CCT2: variants seen among roughly 807,000 people sequenced by gnomAD.
The protein encoded by CCT2 is T-complex protein 1 subunit beta.
Under a neutral mutation model 61.8 loss-of-function variants are expected in CCT2, and 18 were observed. That is an observed-to-expected ratio of 0.29 (90% CI 0.20 to 0.43). CCT2 has a LOEUF of 0.43. CCT2 is among the 20% of genes least tolerant of loss of function. The probability of loss-of-function intolerance (pLI) is 1.00; values close to 1 mark genes in which losing one functional copy is unlikely to be tolerated. For synonymous variants in CCT2, 248 were observed against 215.9 expected (o/e 1.15, Z -1.30); for missense variants, 556 against 656.9 (o/e 0.85, Z 1.68).
intron 15 of CCT2, among the ~76,000 whole-genome samples, chr12:69,600,364 C>T (rs1882114832): frequency 6.6e-6 from 1 of 152,198 alleles, no homozygotes; most frequent in Non-Finnish European, 1.5e-5. Context: ...TATAGCCACA[C>T]CTACTCCCAG....
In CCT2 at chr12:69,597,832, T is replaced by G. The variant is rs1882035390; in HGVS notation, c.1231+66T>G. The G allele has an allele frequency of 1.8e-5, 27 of 1,494,392 alleles. No homozygotes were observed. The South Asian group carries it at 2.9e-4, about 16-fold the overall frequency. 92.6% of individuals were successfully genotyped at this position (1,494,392 alleles called of 1,614,324 possible). ...AAAGTACAATATAAGTCATAAGTGG[T>G]TTTAATGGTTCTTACAGAAATCTTA... On this transcript the variant is annotated intron_variant, in intron 12 of 15. Transcript: ENST00000299300.
rs766273143 is a variant in CCT2, at chr12:69,601,396, G to C, written c.*71G>C. ...TGTGTTTGAAAGATACTCTATTAAA[G>C]AAGACTGTGGAATCTGTTTATCGGT... On this transcript the variant is annotated 3_prime_UTR_variant, in exon 16 of 16. Transcript: ENST00000299300. The C allele has an allele frequency of 3.7e-6, 6 of 1,613,286 alleles. No individual in the cohort carries two copies.
intron 1 of CCT2, chr12:69,585,959 T>A: frequency 7.7e-7 from 1 of 1,295,458 alleles, no homozygotes; most frequent in Non-Finnish European, 9.8e-7. Context: ...CTTGATGGCC[T>A]GCAACCCCTC....
rs903311462 is a variant in CCT2, at chr12:69,589,868, C to G, written c.649+181C>G. 5.7e-5 allele frequency: 34 copies of G among 594,576 alleles called. No individual in the cohort carries two copies. The South Asian group carries it at 6.7e-4, about 12-fold the overall frequency. The allele number at this position is 594,576 out of a possible 1,614,324, so 36.8% of individuals were successfully genotyped here. On this transcript the variant is annotated intron_variant, in intron 7 of 15. Coordinates refer to ENST00000299300, the MANE Select transcript of CCT2 (RefSeq NM_006431.3). ...AGTGTACTCCTCTTCCCGCGCTATT[C>G]CAGCATTGTTGATGATCTCTAGAGT...
At chr12:69,594,026 C>T (rs1881913544) in intron 10 of CCT2, among the ~76,000 whole-genome samples, 1 of 151,688 alleles carries the variant, frequency 6.6e-6, no homozygotes, top group Non-Finnish European at 1.5e-5. Context: ...ATCCTAGCCA[C>T]TTGGGGGGAG....
intron 1 of CCT2, chr12:69,586,053 G>A (rs1881642966): frequency 7.2e-7 from 1 of 1,384,930 alleles, no homozygotes. Flanking sequence ...TATACTCCCG[G>A]GGGCCTTGTA....
intron 3 of CCT2, 57 bp downstream of exon 3, chr12:69,586,875 A>T: frequency 9.9e-7 from 1 of 1,012,586 alleles, no homozygotes; most frequent in Non-Finnish European, 1.5e-6. Flanking sequence ...CTTGGTGGAA[A>T]TATAATAACA....
At chr12:69,598,281 A>C (rs1882049253) in intron 13 of CCT2, 41 bp from the exon 14 acceptor site, 1 of 1,374,722 alleles carries the variant, frequency 7.3e-7, no homozygotes, top group South Asian at 1.3e-5. Context: ...AGTGGTTCTT[A>C]CAGTAGAGTG....
chr12:69,586,560 C>T (rs750663783), intron 2 of CCT2, among the ~76,000 whole-genome samples, 193 bp from the exon 3 acceptor site: 5 of 151,674 alleles, frequency 3.3e-5, no homozygotes, highest in Non-Finnish European at 5.9e-5. Flanking sequence ...CCCAGCTACT[C>T]GGGAGGCTGA....
chr12:69,597,401 T>C, intron 11 of CCT2, 126 bp downstream of exon 11: 1 of 1,236,276 alleles, frequency 8.1e-7, no homozygotes, highest in Non-Finnish European at 1.1e-6. Context: ...GCATGATACA[T>C]ACTTTGTTTC....
intron 10 of CCT2, among the ~76,000 whole-genome samples, chr12:69,596,630 A>T (rs751411465): frequency 6.6e-6 from 1 of 152,232 alleles, no homozygotes; most frequent in African/African-American, 2.4e-5. Context: ...TAGAGATATC[A>T]GGTGCTTATT....
intron 9 of CCT2, among the ~76,000 whole-genome samples, 178 bp downstream of exon 9, chr12:69,593,281 C>T (rs553636864): frequency 4.6e-5 from 7 of 152,198 alleles, no homozygotes; most frequent in South Asian, 2.1e-4. Flanking sequence ...ACCAGAATTA[C>T]GGGATTGATT....
intron 1 of CCT2, 59 bp from the exon 2 acceptor site, chr12:69,586,211 C>A: frequency 7.7e-7 from 1 of 1,293,748 alleles, no homozygotes; most frequent in South Asian, 1.2e-5. Flanking sequence ...GAAGGCACCT[C>A]AGTGTATGTG....
intron 4 of CCT2, 29 bp downstream of exon 4, chr12:69,587,645 CTAA>C (rs766702369): frequency 7.7e-7 from 1 of 1,304,510 alleles, no homozygotes; most frequent in East Asian, 2.3e-5. Flanking sequence ...TTTCACCAAC[CTAA>C]TAATACTGTT....
At chr12:69,592,599 A>G (rs571776059) in intron 8 of CCT2, 42 of 189,126 alleles carry the variant, frequency 2.2e-4, no homozygotes, top group African/African-American at 9.0e-4. Flanking sequence ...ATACGTTGGT[A>G]AAAATGTTGA....
intron 7 of CCT2, among the ~76,000 whole-genome samples, chr12:69,591,555 CT>C (rs1314428589): frequency 6.6e-6 from 1 of 152,080 alleles, no homozygotes; most frequent in East Asian, 1.9e-4. Context: ...AACCTATTGT[CT>C]TTATATTGCA....
intron 8 of CCT2, chr12:69,592,595 T>C (rs1476079104): frequency 4.8e-5 from 9 of 189,064 alleles, no homozygotes; most frequent in Non-Finnish European, 9.9e-5. Flanking sequence ...ATATATACGT[T>C]GGTAAAAATG....
At chr12:69,586,512 AC>A (rs1270387072) in intron 2 of CCT2, among the ~76,000 whole-genome samples, 168 bp downstream of exon 2, 1 of 152,154 alleles carries the variant, frequency 6.6e-6, no homozygotes, top group Non-Finnish European at 1.5e-5. Flanking sequence ...TACTAGAAAT[AC>A]AAAAATTAGC....
Position 69,585,480 on chromosome 12 carries a change from A to T in CCT2, c.-42A>T. ...CTTCAGTCCGCTGGTCCCGAGCACG[A>T]GCTGTGAGGGGATTCACTTGTGTGC... On this transcript the variant is annotated 5_prime_UTR_variant, in exon 1 of 16. Coordinates refer to ENST00000299300, the MANE Select transcript of CCT2 (RefSeq NM_006431.3). The T allele has an allele frequency of 6.4e-7, 1 of 1,557,152 alleles. No individual in the cohort carries two copies.
Sources: allele counts gnomAD v4.1 joint callset (sites outside exome capture counted in the v4.1 genomes callset), GRCh38; gene constraint gnomAD v4.1.1; transcripts MANE v1.5; gene names NCBI Gene and HGNC (gene_info 2026-07-23, HGNC 2026-07-21).